Variants in PCDHGA4 observed in about 807,000 individuals in gnomAD.
PCDHGA4 encodes protocadherin gamma-A4.
In PCDHGA4, 38 loss-of-function variants were observed where a neutral mutation model predicts 54.6. The ratio of observed to expected loss-of-function variants is 0.70; its 90% CI spans 0.54 to 0.91. PCDHGA4 has a LOEUF of 0.91. Among genes scored for constraint, PCDHGA4 ranks in the 40% least tolerant of loss-of-function variants. The pLI is 0.00. For synonymous variants in PCDHGA4, 511 were observed against 512.9 expected (o/e 1.00, Z 0.05); for missense variants, 1,298 against 1,220.9 (o/e 1.06, Z -0.94).
intron 1 of PCDHGA4, chr5:141,415,170 C>T (rs781724309): frequency 3.7e-6 from 6 of 1,613,878 alleles, no homozygotes; most frequent in South Asian, 2.2e-5. Flanking sequence ...TCACGCTCAC[C>T]GTGGCCGTGG....
At chr5:141,399,837 C>T in intron 1 of PCDHGA4, 4 of 1,613,130 alleles carry the variant, frequency 2.5e-6, no homozygotes, top group Non-Finnish European at 3.4e-6. Context: ...GCTCTGCGCT[C>T]TTCGATATGG....
At chr5:141,457,929 C>T (rs1207409757) in intron 1 of PCDHGA4, among the ~76,000 whole-genome samples, 2 of 152,194 alleles carry the variant, frequency 1.3e-5, no homozygotes, top group Non-Finnish European at 2.9e-5. Context: ...CCCCAAGGGG[C>T]TTTTATTGGC....
At chr5:141,414,310 G>A in intron 1 of PCDHGA4, 1 of 1,613,722 alleles carries the variant, frequency 6.2e-7, no homozygotes, top group South Asian at 1.1e-5. Context: ...GCATGATTTA[G>A]ACTCTGAGCA....
rs549455612 is a variant in PCDHGA4 at position 141,415,049 on chromosome 5, A to T, written c.2514+57428A>T. On this transcript the variant is annotated intron_variant, in intron 1 of 3. Transcript: ENST00000571252. Reference sequence around the variant, plus strand: ...GAGCCGGGACTCTTCGCGGTGGGGGAGCACACGGGCGAGGTGCGCACGGCG... The same window carrying T: ...GAGCCGGGACTCTTCGCGGTGGGGGTGCACACGGGCGAGGTGCGCACGGCG... 84 of 1,613,216 alleles carry T rather than the reference A, an allele frequency of 5.2e-5. 1 individual carries two copies. In the Admixed American group the frequency reaches 6.0e-4, roughly 12 times the overall value.
intron 1 of PCDHGA4, among the ~76,000 whole-genome samples, chr5:141,460,307 C>A (rs1025049001): frequency 6.6e-6 from 1 of 152,102 alleles, no homozygotes; most frequent in African/African-American, 2.4e-5. Context: ...TATTCAAAAA[C>A]TCCTTGCCTA....
chr5:141,418,891 C>G (rs774546487), intron 1 of PCDHGA4: 4 of 1,613,842 alleles, frequency 2.5e-6, no homozygotes, highest in East Asian at 2.2e-5. Context: ...ACGACAACAG[C>G]CCAGAAATAA....
intron 1 of PCDHGA4, chr5:141,421,347 C>G: frequency 6.2e-7 from 1 of 1,613,948 alleles, no homozygotes; most frequent in Non-Finnish European, 8.5e-7. Flanking sequence ...CAGAAGAGAC[C>G]GAAAAGGGCT....
intron 1 of PCDHGA4, chr5:141,360,701 G>A (rs1316006767): frequency 6.2e-7 from 1 of 1,613,936 alleles, no homozygotes; most frequent in Admixed American, 1.7e-5. Flanking sequence ...CCAGATGGTC[G>A]TAAATATCCT....
intron 1 of PCDHGA4, chr5:141,414,511 G>A: frequency 1.2e-6 from 2 of 1,613,972 alleles, no homozygotes; most frequent in African/African-American, 1.3e-5. Context: ...TATGCTACAA[G>A]TGGCAGATAT....
intron 1 of PCDHGA4, chr5:141,412,531 T>G (rs534627173): frequency 1.7e-4 from 26 of 152,304 alleles, no homozygotes; most frequent in African/African-American, 5.8e-4. Flanking sequence ...GTTACAATTA[T>G]AAAGCTTCAG....
At chr5:141,389,330 C>A in intron 1 of PCDHGA4, 2 of 1,614,000 alleles carry the variant, frequency 1.2e-6, no homozygotes, top group Non-Finnish European at 1.7e-6. Context: ...TGGGGCCCAA[C>A]GGCCAAGTCT....
chr5:141,438,617 TATATATATATATATATATACACAC>T (rs1311176771), intron 1 of PCDHGA4, among the ~76,000 whole-genome samples: 58 of 37,154 alleles, frequency 1.6e-3, no homozygotes, highest in African/African-American at 7.8e-3. Flanking sequence ...TATATATATA[TATATATATATATATATATACACAC>T]ACACACACAC....
Position 141,485,967 on chromosome 5 carries a change from A to G in PCDHGA4, c.2515-8840A>G, listed in dbSNP as rs751904053. 2.5e-6 allele frequency: 4 copies of G among 1,614,194 alleles called. No individual in the cohort carries two copies. The South Asian group carries it at 4.4e-5, about 18-fold the overall frequency. On this transcript the variant is annotated intron_variant, in intron 1 of 3. Transcript: ENST00000571252. This position sits in a 1 kb window ranked among gnomAD's most constrained non-coding sequence, Gnocchi z 5.7. The stretch of plus-strand genomic sequence containing the variant: ...GCGGGCATGGTGCTCATCCAGCTCA[A>G]TGCCTCAGACCCGGACCTGGGTCCC...
At chr5:141,433,215 T>A (rs755571112) in intron 1 of PCDHGA4, 1 of 1,568,720 alleles carries the variant, frequency 6.4e-7, no homozygotes, top group South Asian at 1.2e-5. Flanking sequence ...TTTCTTTTTT[T>A]TTTTTAATTG....
chr5:141,392,542 A>C (rs2092551305), intron 1 of PCDHGA4: 1 of 323,320 alleles, frequency 3.1e-6, no homozygotes, highest in African/African-American at 2.1e-5. Flanking sequence ...ATTTAGAAGT[A>C]ATCTGTATCT....
chr5:141,357,596 A>AAACAAAAGG lies in PCDHGA4; in HGVS notation c.2491_2499dup (p.Thr831_Gly833dup). On this transcript the variant is annotated inframe_insertion, in exon 1 of 4. Coordinates refer to ENST00000571252, the MANE Select transcript of PCDHGA4 (RefSeq NM_018917.4). ...CTTCTGATAACTCAGGATTTACTTGAAACAAAAGGAGACCCTAATCTTCAG... is the reference window on the plus strand; with the variant it reads ...CTTCTGATAACTCAGGATTTACTTGAAACAAAAGGAACAAAAGGAGACCCTAATCTTCAG... 6.2e-7 allele frequency: 1 copy of AAACAAAAGG among 1,614,148 alleles called. No homozygotes were observed. The highest frequency in any genetic ancestry group is 8.5e-7 in the Non-Finnish European group (1 of 1,179,988).
At chr5:141,364,970 G>C in intron 1 of PCDHGA4, 2 of 1,613,914 alleles carry the variant, frequency 1.2e-6, no homozygotes, top group Non-Finnish European at 1.7e-6. Flanking sequence ...CCTCCTCACA[G>C]CTTTAGATGG....
intron 1 of PCDHGA4, chr5:141,371,902 C>T: frequency 6.2e-7 from 1 of 1,613,404 alleles, no homozygotes; most frequent in Non-Finnish European, 8.5e-7. Flanking sequence ...GAGCTGTCGT[C>T]CTACGTGTCC....
At chr5:141,361,689 C>G (rs752885909) in intron 1 of PCDHGA4, 1 of 1,613,502 alleles carries the variant, frequency 6.2e-7, no homozygotes, top group South Asian at 1.1e-5. Context: ...TCGCGCAGCG[C>G]GCCTTCGATC....
Sources: gnomAD v4.1 joint callset for allele counts (sites outside exome capture counted in the v4.1 genomes callset) on GRCh38, gnomAD v4.1.1 for gene constraint, Gnocchi (gnomAD v3.1) non-coding constraint, MANE v1.5 for transcripts, NCBI Gene and HGNC (gene_info 2026-07-23, HGNC 2026-07-21) for gene names.